ITGA9: variants seen among roughly 807,000 people sequenced by gnomAD.
ITGA9 encodes the protein integrin subunit alpha 9, also known as integrin alpha-9.
ITGA9 carries 56 observed loss-of-function variants against 127.8 expected under a neutral mutation model. The ratio of observed to expected loss-of-function variants is 0.44; its 90% CI spans 0.35 to 0.55. The LOEUF (loss-of-function observed/expected upper bound fraction) is 0.55. Among genes scored for constraint, ITGA9 ranks in the 20% least tolerant of loss-of-function variants. The pLI is 0.00. For synonymous variants in ITGA9, 508 were observed against 514.5 expected (o/e 0.99, Z 0.17); for missense variants, 1,196 against 1,347.1 (o/e 0.89, Z 1.76).
At chr3:37,585,124 T>C (rs902595922) in intron 15 of ITGA9, among the ~76,000 whole-genome samples, 12 of 152,186 alleles carry the variant, frequency 7.9e-5, no homozygotes, top group African/African-American at 2.9e-4. Flanking sequence ...CCTTCCGACC[T>C]AGGGCATTAA....
chr3:37,606,682 C>T (rs1033365239), intron 15 of ITGA9, among the ~76,000 whole-genome samples: 8 of 152,056 alleles, frequency 5.3e-5, no homozygotes, highest in African/African-American at 1.9e-4. Flanking sequence ...CCGCTGTCCT[C>T]GGTATGAGAT....
intron 15 of ITGA9, among the ~76,000 whole-genome samples, chr3:37,595,499 A>T (rs748240653): frequency 3.3e-5 from 5 of 152,216 alleles, no homozygotes; most frequent in African/African-American, 4.8e-5. Context: ...CAATTCAGAA[A>T]ATGCCGGAAC....
chr3:37,538,333 A>T (rs1031403764), intron 14 of ITGA9, among the ~76,000 whole-genome samples: 1 of 151,704 alleles, frequency 6.6e-6, no homozygotes, highest in Non-Finnish European at 1.5e-5. Flanking sequence ...AGGCCCGTGC[A>T]GGGGGGCTCC....
At chr3:37,659,443 G>T (rs1401797731) in intron 17 of ITGA9, among the ~76,000 whole-genome samples, 1 of 151,620 alleles carries the variant, frequency 6.6e-6, no homozygotes, top group East Asian at 2.0e-4. Flanking sequence ...TTCAGTCTCT[G>T]ATATCCTTTC....
At chr3:37,738,480 C>A (rs868376199) in intron 20 of ITGA9, among the ~76,000 whole-genome samples, 2 of 152,196 alleles carry the variant, frequency 1.3e-5, no homozygotes, top group South Asian at 4.1e-4. Context: ...GGGCGCTAAA[C>A]CATGGGGGAC....
In ITGA9 at chr3:37,512,124, C is replaced by CT. The variant is rs1306742734; in HGVS notation, c.898-1635dup. Among the ~76,000 whole-genome samples, 14 of 15,332 alleles carry CT rather than the reference C, an allele frequency of 9.1e-4. 2 individuals are homozygous for CT. The highest frequency in any genetic ancestry group is 2.8e-3 in the African/African-American group (12 of 4,348). 10.1% of individuals were successfully genotyped at this position (15,332 alleles called of 152,430 possible). On this transcript the variant is annotated intron_variant, in intron 8 of 27. Coordinates refer to ENST00000264741, the MANE Select transcript of ITGA9 (RefSeq NM_002207.3). ...TCCTTCCTTCCTTCCTTCCTTCTTT[C>CT]TTTTCTTTTCTTTTCTTTTCTTTTC... is the stretch of plus-strand genomic sequence containing the variant.
At chr3:37,802,413 A>G (rs1043128078) in intron 26 of ITGA9, among the ~76,000 whole-genome samples, 1 of 152,168 alleles carries the variant, frequency 6.6e-6, no homozygotes, top group Non-Finnish European at 1.5e-5. Flanking sequence ...TTGACAGAGG[A>G]TTGAACTAGG....
intron 22 of ITGA9, among the ~76,000 whole-genome samples, chr3:37,750,175 C>T (rs575672514): frequency 4.4e-4 from 67 of 152,264 alleles, no homozygotes; most frequent in African/African-American, 1.6e-3. Context: ...GAGTAAATTC[C>T]TATGCATGTA....
At chr3:37,767,115 A>G (rs978349337) in intron 23 of ITGA9, among the ~76,000 whole-genome samples, 1 of 152,226 alleles carries the variant, frequency 6.6e-6, no homozygotes, top group Non-Finnish European at 1.5e-5. Context: ...GGAGGGGAGG[A>G]TGCAGGGGCA....
intron 14 of ITGA9, among the ~76,000 whole-genome samples, chr3:37,535,633 G>T (rs1189651541): frequency 1.8e-4 from 28 of 152,128 alleles, no homozygotes; most frequent in Admixed American, 1.8e-3. Context: ...ACATTAGGTG[G>T]GGCCCATTCA....
chr3:37,685,259 G>A (rs1490055129), intron 18 of ITGA9, among the ~76,000 whole-genome samples: 1 of 152,126 alleles, frequency 6.6e-6, no homozygotes, highest in Non-Finnish European at 1.5e-5. Flanking sequence ...CAGCTTAGGG[G>A]ACAGCTGAAA....
intron 23 of ITGA9, among the ~76,000 whole-genome samples, chr3:37,751,881 C>T (rs994170313): frequency 2.0e-5 from 3 of 152,204 alleles, no homozygotes; most frequent in African/African-American, 7.2e-5. Flanking sequence ...ATGGCCAAGT[C>T]TCCATCTGGA....
intron 27 of ITGA9, among the ~76,000 whole-genome samples, chr3:37,811,218 A>G (rs1697364856): frequency 6.6e-6 from 1 of 152,228 alleles, no homozygotes; most frequent in African/African-American, 2.4e-5. Context: ...TGCAGGAAGA[A>G]AACTTTGAAA....
In ITGA9 at chr3:37,491,081, A is replaced by G. The variant is rs145059525; in HGVS notation, c.545-3420A>G. On this transcript the variant is annotated intron_variant, in intron 4 of 27. Transcript: ENST00000264741. ...AACCTCTGCCTCCCAGACTCAAGCC[A>G]TCCTCCCACCTCAGCCTCCTGAGTA... 7.2e-3 allele frequency among the ~76,000 whole-genome samples: 1,072 copies of G among 148,352 alleles called. 13 individuals carry two copies. The highest frequency in any genetic ancestry group is 0.025 in the African/African-American group (1,014 of 39,892).
intron 6 of ITGA9, among the ~76,000 whole-genome samples, chr3:37,504,585 T>G (rs927021474): frequency 6.6e-6 from 1 of 152,152 alleles, no homozygotes; most frequent in Non-Finnish European, 1.5e-5. Flanking sequence ...AACACATATT[T>G]ATTGAATCAG....
At chr3:37,695,283 C>G (rs760233731) in intron 18 of ITGA9, among the ~76,000 whole-genome samples, 1 of 152,142 alleles carries the variant, frequency 6.6e-6, no homozygotes, top group Non-Finnish European at 1.5e-5. Context: ...TGGAGCCAAA[C>G]GAAGACTGAA....
intron 18 of ITGA9, among the ~76,000 whole-genome samples, chr3:37,724,966 T>G (rs1285085049): frequency 6.6e-6 from 1 of 152,132 alleles, no homozygotes; most frequent in Non-Finnish European, 1.5e-5. Flanking sequence ...GGCTTATACT[T>G]GATCTTTGTA....
intron 17 of ITGA9, among the ~76,000 whole-genome samples, chr3:37,673,225 T>G (rs904034886): frequency 1.3e-5 from 2 of 152,236 alleles, no homozygotes; most frequent in African/African-American, 4.8e-5. Flanking sequence ...TAGGCTTTCC[T>G]TGTCCAGAGT....
At chr3:37,596,651 AAAAGGG>A (rs1375311559) in intron 15 of ITGA9, among the ~76,000 whole-genome samples, 1 of 152,168 alleles carries the variant, frequency 6.6e-6, no homozygotes, top group African/African-American at 2.4e-5. Context: ...GGAGCTATTT[AAAAGGG>A]GTTGTACCTT....
Sources: allele counts gnomAD v4.1 joint callset (sites outside exome capture counted in the v4.1 genomes callset), GRCh38; gene constraint gnomAD v4.1.1; transcripts MANE v1.5; gene names NCBI Gene and HGNC (gene_info 2026-07-23, HGNC 2026-07-21).